The following MEI4 variants were observed in gnomAD, a reference collection of about 807,000 sequenced individuals.
The protein encoded by MEI4 is meiotic double-stranded break formation protein 4.
A neutral mutation model predicts 31.4 loss-of-function variants in MEI4; 27 were observed. The ratio of observed to expected loss-of-function variants is 0.86; its 90% confidence interval spans 0.63 to 1.19. The LOEUF is 1.19. MEI4 is among the 50% of genes most tolerant of loss of function. The pLI, the probability that MEI4 is intolerant of heterozygous loss-of-function variation, is 0.00. For synonymous variants in MEI4, 122 were observed against 145.4 expected, an observed-to-expected ratio of 0.84 and a Z score of 1.16; for missense variants, 329 against 398.9, an observed-to-expected ratio of 0.82 and a Z score of 1.49.
At position 77,703,834 on chromosome 6, in the gene MEI4, T is replaced by A. The variant is rs569401562; in HGVS notation, c.232+12931T>A. On this transcript the variant is annotated intron_variant, in intron 2 of 4. Transcript: ENST00000684080. ...ATAAATGGGGTAAATGGGATGAGCCTGAGATTCTGCATTTCTGATACACTT... is the reference window on the plus strand; with the variant it reads ...ATAAATGGGGTAAATGGGATGAGCCAGAGATTCTGCATTTCTGATACACTT... Among the ~76,000 whole-genome samples the A allele has an allele frequency of 2.0e-4, 31 of 152,272 alleles. No homozygotes were observed. The South Asian group carries it at 2.9e-3, about 14-fold the overall frequency.
chr6:77,886,845 T>G (rs1322761725), intron 4 of MEI4, among the ~76,000 whole-genome samples: 1 of 152,188 alleles, frequency 6.6e-6, no homozygotes, highest in East Asian at 1.9e-4. Flanking sequence ...TCTTCTCTCT[T>G]TTTTTCTTTT....
At chr6:77,717,112 G>A (rs1011472473) in intron 2 of MEI4, among the ~76,000 whole-genome samples, 22 of 135,166 alleles carry the variant, frequency 1.6e-4, no homozygotes, top group Middle Eastern at 3.6e-3. Flanking sequence ...AGTTCCCTTC[G>A]TATTTATTGA....
intron 2 of MEI4, among the ~76,000 whole-genome samples, chr6:77,753,489 C>T (rs905337332): frequency 6.6e-6 from 1 of 152,040 alleles, no homozygotes; most frequent in East Asian, 1.9e-4. Flanking sequence ...AGCCAACAAA[C>T]GTATGAAAAA....
chr6:77,736,485 G>T (rs971659318), intron 2 of MEI4, among the ~76,000 whole-genome samples: 2 of 152,062 alleles, frequency 1.3e-5, no homozygotes, highest in Admixed American at 6.5e-5. Flanking sequence ...GCCTCGCCCT[G>T]CTTCGGCTTG....
chr6:77,881,363 A>T (rs1332479281), intron 4 of MEI4, among the ~76,000 whole-genome samples: 1 of 152,202 alleles, frequency 6.6e-6, no homozygotes, highest in Non-Finnish European at 1.5e-5. Flanking sequence ...TAGCAAAAAA[A>T]CCCAAAACAT....
chr6:77,849,111 G>C (rs1416760066), intron 4 of MEI4, among the ~76,000 whole-genome samples: 2 of 151,788 alleles, frequency 1.3e-5, no homozygotes, highest in African/African-American at 4.8e-5. Flanking sequence ...TAAAAATCAG[G>C]AAAGAGTTAT....
chr6:77,901,609 A>G (rs1766190375), intron 4 of MEI4, among the ~76,000 whole-genome samples: 2 of 152,018 alleles, frequency 1.3e-5, no homozygotes, highest in African/African-American at 4.8e-5. Context: ...TATTTTTAAT[A>G]TTAGCCCTTT....
intron 4 of MEI4, among the ~76,000 whole-genome samples, chr6:77,880,437 A>G (rs1214661669): frequency 6.6e-6 from 1 of 151,976 alleles, no homozygotes; most frequent in Non-Finnish European, 1.5e-5. Context: ...TTCACCGTGT[A>G]TTGTGGGTAT....
chr6:77,664,072 G>A (rs1433310725), intron 1 of MEI4, among the ~76,000 whole-genome samples: 4 of 152,242 alleles, frequency 2.6e-5, no homozygotes, highest in Non-Finnish European at 4.4e-5. Context: ...TGCGATTCAG[G>A]CGTTTGGAAG....
At chr6:77,897,346 C>T (rs1353765843) in intron 4 of MEI4, among the ~76,000 whole-genome samples, 3 of 151,840 alleles carry the variant, frequency 2.0e-5, no homozygotes, top group Non-Finnish European at 4.4e-5. Context: ...TTTCTTTTTA[C>T]GATTCTTGTA....
chr6:77,707,623 A>G (rs1766361934), intron 2 of MEI4, among the ~76,000 whole-genome samples: 1 of 152,222 alleles, frequency 6.6e-6, no homozygotes, highest in Non-Finnish European at 1.5e-5. Flanking sequence ...AAAGGGCCTC[A>G]AAAGCATTTC....
At chr6:77,747,131 G>T (rs1273562021) in intron 2 of MEI4, among the ~76,000 whole-genome samples, 1 of 152,086 alleles carries the variant, frequency 6.6e-6, no homozygotes, top group African/African-American at 2.4e-5. Flanking sequence ...GACTAACATG[G>T]TGAAACCTCA....
intron 4 of MEI4, among the ~76,000 whole-genome samples, chr6:77,840,696 T>C (rs947031877): frequency 6.6e-6 from 1 of 152,172 alleles, no homozygotes; most frequent in African/African-American, 2.4e-5. Context: ...ATATTGATGG[T>C]GATTGGGCTT....
chr6:77,661,203 A>C (rs2127642265), intron 1 of MEI4, among the ~76,000 whole-genome samples: 1 of 152,276 alleles, frequency 6.6e-6, no homozygotes, highest in Admixed American at 6.5e-5. Context: ...TGTGCCTTTA[A>C]AAGACCATTA....
At chr6:77,733,206 C>G (rs1447017745) in intron 2 of MEI4, among the ~76,000 whole-genome samples, 3 of 151,828 alleles carry the variant, frequency 2.0e-5, no homozygotes, top group South Asian at 4.1e-4. Flanking sequence ...GGAATGGTAC[C>G]AGCTCCTCCT....
Position 77,867,835 on chromosome 6 carries a change from A to G in MEI4, c.900+38773A>G, listed in dbSNP as rs58415253. On this transcript the variant is annotated intron_variant, in intron 4 of 4. Coordinates refer to ENST00000684080, the MANE Select transcript of MEI4 (RefSeq NM_001322247.2). The stretch of plus-strand genomic sequence containing the variant: ...ACCAACCCAAATGTACAACAATGAT[A>G]GACTGGATTAAGCAAATGTGACACA... 9.1e-3 allele frequency among the ~76,000 whole-genome samples: 1,389 copies of G among 152,336 alleles called. 17 individuals are homozygous for G. The highest frequency in any genetic ancestry group is 0.031 in the African/African-American group (1,285 of 41,574).
chr6:77,730,007 T>C (rs772701703), intron 2 of MEI4, among the ~76,000 whole-genome samples: 9 of 151,884 alleles, frequency 5.9e-5, no homozygotes, highest in Non-Finnish European at 8.8e-5. Context: ...TGGAACTCTG[T>C]GGCCAAGAGC....
chr6:77,731,025 T>A (rs573781445), intron 2 of MEI4, among the ~76,000 whole-genome samples: 1 of 151,068 alleles, frequency 6.6e-6, no homozygotes, highest in African/African-American at 2.4e-5. Flanking sequence ...TCCAGTCTAT[T>A]GTTGTTGGAC....
At chr6:77,790,258 G>A (rs537855589) in intron 3 of MEI4, among the ~76,000 whole-genome samples, 2 of 122,822 alleles carry the variant, frequency 1.6e-5, no homozygotes, top group East Asian at 2.6e-4. Flanking sequence ...GTTGTGGGGT[G>A]GGGGGAGGGG....
Sources: gnomAD v4.1 joint callset for allele counts (sites outside exome capture counted in the v4.1 genomes callset) on GRCh38, gnomAD v4.1.1 for gene constraint, MANE v1.5 for transcripts, NCBI Gene and HGNC (gene_info 2026-07-23, HGNC 2026-07-21) for gene names.